The following FLT1 variants were observed in gnomAD, a reference collection of about 807,000 sequenced individuals.
The protein encoded by FLT1 is fms related receptor tyrosine kinase 1.
In FLT1, 49 loss-of-function variants were observed where a neutral mutation model predicts 156.3. That is an observed-to-expected ratio of 0.31 (90% confidence interval 0.25 to 0.40). The LOEUF (loss-of-function observed/expected upper bound fraction) is 0.40, where lower values mean the gene tolerates loss of function less well. Ranked by LOEUF, FLT1 falls within the 10% of genes least tolerant of loss-of-function variation. The pLI is 1.00. For missense variants in FLT1, 1,322 were observed against 1,637.2 expected, an observed-to-expected ratio of 0.81 and a Z score of 3.32; for synonymous variants, 594 against 583.8, an observed-to-expected ratio of 1.02 and a Z score of -0.25.
rs1214270527 is a variant in FLT1 at position 28,301,918 on chromosome 13, A to G, written c.*1249T>C. ...TACCACCTTTTTACTCAAGGAGCTT[A>G]AAGTGCTTAATATGCGCCAGCTAAT... On this transcript the variant is annotated 3_prime_UTR_variant, in exon 30 of 30. Transcript: ENST00000282397. The G allele has an allele frequency of 4.3e-6, 1 of 233,546 alleles. No homozygotes were observed. The highest frequency in any genetic ancestry group is 8.5e-6 in the Non-Finnish European group (1 of 118,008). 14.5% of individuals were successfully genotyped at this position (233,546 alleles called of 1,614,324 possible).
At chr13:28,493,421 T>C (rs1278696496) in intron 1 of FLT1, among the ~76,000 whole-genome samples, 2 of 152,224 alleles carry the variant, frequency 1.3e-5, no homozygotes, top group Non-Finnish European at 2.9e-5. Context: ...CCAATCTAAT[T>C]GGAACTATTA....
At chr13:28,433,307 G>A (rs1271785909) in intron 6 of FLT1, among the ~76,000 whole-genome samples, 2 of 152,332 alleles carry the variant, frequency 1.3e-5, no homozygotes, top group Non-Finnish European at 2.9e-5. Context: ...CTGAAGGACA[G>A]AATTGCTCCC....
intron 3 of FLT1, among the ~76,000 whole-genome samples, chr13:28,443,410 C>T (rs1878441545): frequency 6.6e-6 from 1 of 152,218 alleles, no homozygotes; most frequent in Non-Finnish European, 1.5e-5. Context: ...TTCCAACTGG[C>T]ATCACCTGGG....
rs60905945 is a variant in FLT1 at position 28,312,951 on chromosome 13, ATTTTATTTTTATTTTTATTTTTAT to A, written c.3387-877_3387-854del. On this transcript the variant is annotated intron_variant, in intron 25 of 29. Transcript: ENST00000282397. Reference sequence around the variant, plus strand: ...GACTCCTCTGTGATTCTTCTCTTACATTTTATTTTTATTTTTATTTTTATTTTTATTTTTATTTTTATTTTGATG... The same window carrying A: ...GACTCCTCTGTGATTCTTCTCTTACATTTTATTTTTATTTTTATTTTGATG... Among the ~76,000 whole-genome samples, 17 of 143,004 alleles carry A rather than the reference ATTTTATTTTTATTTTTATTTTTAT, an allele frequency of 1.2e-4. No homozygotes were observed. In the East Asian group the frequency reaches 2.9e-3, roughly 24 times the overall value. 93.8% of individuals were successfully genotyped at this position (143,004 alleles called of 152,430 possible). A position where few individuals can be genotyped will look rare whatever the true frequency, so the allele number is the denominator to read the frequency against.
At position 28,427,253 on chromosome 13, in the gene FLT1, T is replaced by C. The variant is rs747090435; in HGVS notation, c.1342A>G (p.Ser448Gly). 6 of 1,614,034 alleles carry C rather than the reference T, an allele frequency of 3.7e-6. No individual in the cohort carries two copies. The Admixed American group carries it at 1.0e-4, about 27-fold the overall frequency. ...GCGGTACAAGTCAGGATTTGTCTGC[T>C]GCCCAGTGGGTAGAGAGCCGGGTCT... ...FPDPALYPLG[S>G]RQILTCTAYG... is the part of the protein sequence containing the mutation. The change falls in exon 10 of 30, where the codon AGC becomes GGC. Residue 448 changes from serine to glycine, a missense_variant. Physicochemically the swap from Ser to Gly is moderately conservative, Grantham distance 56. Transcript: ENST00000282397.
intron 17 of FLT1, among the ~76,000 whole-genome samples, chr13:28,338,082 T>C (rs1872187146): frequency 6.6e-6 from 1 of 152,122 alleles, no homozygotes; most frequent in Admixed American, 6.5e-5. Context: ...TTAACTGATT[T>C]CCAAGTTTCC....
intron 14 of FLT1, among the ~76,000 whole-genome samples, chr13:28,358,730 A>G (rs1274956750): frequency 6.6e-6 from 1 of 152,224 alleles, no homozygotes; most frequent in African/African-American, 2.4e-5. Flanking sequence ...TCTCTCTCCC[A>G]CACATGCTCA....
At chr13:28,331,094 A>G (rs1018122545) in intron 18 of FLT1, among the ~76,000 whole-genome samples, 2 of 152,236 alleles carry the variant, frequency 1.3e-5, no homozygotes, top group African/African-American at 4.8e-5. Flanking sequence ...GCTATTACAA[A>G]TAATACTGTG....
intron 14 of FLT1, among the ~76,000 whole-genome samples, chr13:28,381,603 A>G (rs1183042164): frequency 6.6e-6 from 1 of 152,150 alleles, no homozygotes; most frequent in Non-Finnish European, 1.5e-5. Flanking sequence ...AACTTAGTAC[A>G]GTTTACCAAT....
At chr13:28,334,568 G>T (rs548093250) in intron 17 of FLT1, among the ~76,000 whole-genome samples, 1 of 152,298 alleles carries the variant, frequency 6.6e-6, no homozygotes, top group Admixed American at 6.5e-5. Flanking sequence ...AATAGAAAAT[G>T]GTGGTTACTA....
At chr13:28,447,830 A>G (rs989173706) in intron 3 of FLT1, among the ~76,000 whole-genome samples, 7 of 150,632 alleles carry the variant, frequency 4.6e-5, no homozygotes, top group African/African-American at 1.7e-4. Flanking sequence ...TTATGTATCT[A>G]TATATTATAT....
At chr13:28,442,693 A>T (rs905228090) in intron 3 of FLT1, among the ~76,000 whole-genome samples, 2 of 130,048 alleles carry the variant, frequency 1.5e-5, no homozygotes, top group African/African-American at 6.5e-5. Flanking sequence ...TGAGCATATG[A>T]CTGTAGATAC....
In FLT1 at chr13:28,357,630, C is replaced by G. The variant is rs1872947288; in HGVS notation, c.2172G>C (p.Glu724Asp). The change falls in exon 15 of 30, where the codon GAG becomes GAC. Residue 724 changes from glutamate to aspartate, a missense_variant. Glu to Asp is a conservative substitution (Grantham distance 45). Around this residue, in one of 3 missense-constraint regions of FLT1, gnomAD observed 991 missense variants for 1,254.8 expected, o/e 0.79. Coordinates refer to ENST00000282397, the MANE Select transcript of FLT1 (RefSeq NM_002019.4). Reference protein sequence around the residue: ...STLFIERVTEEDEGVYHCKAT... With the variant: ...STLFIERVTEDDEGVYHCKAT... ...CTTTGCAGTGATAGACACCTTCATCCTCTTCTGTGACTCTTTCAATAAACA... is the reference window on the plus strand; with the variant it reads ...CTTTGCAGTGATAGACACCTTCATCGTCTTCTGTGACTCTTTCAATAAACA... The G allele has an allele frequency of 6.2e-7, 1 of 1,613,524 alleles. No individual in the cohort carries two copies. Among genetic ancestry groups the G allele is most frequent in the East Asian group, 2.2e-5 (1 of 44,888 alleles).
intron 3 of FLT1, among the ~76,000 whole-genome samples, chr13:28,441,026 T>C (rs925774486): frequency 4.6e-5 from 7 of 152,020 alleles, no homozygotes; most frequent in Non-Finnish European, 1.0e-4. Flanking sequence ...CCAGAGACCG[T>C]CTCCCAACAG....
At chr13:28,376,803 T>G (rs1873857153) in intron 14 of FLT1, among the ~76,000 whole-genome samples, 1 of 152,192 alleles carries the variant, frequency 6.6e-6, no homozygotes, top group Non-Finnish European at 1.5e-5. Context: ...TTTTGATTAT[T>G]TTGGAGAGCT....
At chr13:28,369,428 G>A (rs1324187463) in intron 14 of FLT1, among the ~76,000 whole-genome samples, 1 of 151,894 alleles carries the variant, frequency 6.6e-6, no homozygotes, top group Non-Finnish European at 1.5e-5. Flanking sequence ...ACGAGGCTGA[G>A]GCAGGAGAAT....
intron 16 of FLT1, among the ~76,000 whole-genome samples, chr13:28,343,511 G>A (rs1872429499): frequency 6.6e-6 from 1 of 151,910 alleles, no homozygotes; most frequent in East Asian, 1.9e-4. Flanking sequence ...ATGTTGGCTA[G>A]GCTGGTCTTG....
chr13:28,327,420 T>G, intron 20 of FLT1, 42 bp downstream of exon 20: 1 of 1,183,324 alleles, frequency 8.5e-7, no homozygotes, highest in Non-Finnish European at 1.3e-6. Context: ...AAATGAAAAC[T>G]CATTGCTATC....
At chr13:28,349,806 A>G (rs2138864168) in intron 15 of FLT1, among the ~76,000 whole-genome samples, 1 of 152,310 alleles carries the variant, frequency 6.6e-6, no homozygotes, top group South Asian at 2.1e-4. Flanking sequence ...TTAAGGAATC[A>G]GCCCATTAAA....
Sources: gnomAD v4.1 joint callset for allele counts (sites outside exome capture counted in the v4.1 genomes callset) on GRCh38, gnomAD v4.1.1 for gene constraint, gnomAD v4.1.1 regional missense constraint, MANE v1.5 for transcripts, NCBI Gene and HGNC (gene_info 2026-07-23, HGNC 2026-07-21) for gene names.